The following NECTIN4 variants were observed in gnomAD, a reference collection of about 807,000 sequenced individuals.
The protein encoded by NECTIN4 is nectin cell adhesion molecule 4.
NECTIN4 carries 19 observed loss-of-function variants against 51.7 expected under a neutral mutation model. The ratio of observed to expected loss-of-function variants is 0.37; its 90% CI spans 0.26 to 0.54. The LOEUF is 0.54. Among genes scored for constraint, NECTIN4 ranks in the 20% least tolerant of loss-of-function variants. NECTIN4 has a pLI of 0.86. For missense variants in NECTIN4, 619 were observed against 662.4 expected (o/e 0.93, Z 0.72); for synonymous variants, 283 against 286.9 (o/e 0.99, Z 0.14).
At chr1:161,075,455 T>G (rs995847535) in intron 4 of NECTIN4, among the ~76,000 whole-genome samples, 1 of 152,218 alleles carries the variant, frequency 6.6e-6, no homozygotes, top group African/African-American at 2.4e-5. Context: ...TATCGAAATA[T>G]TGTGTTATAT....
rs540901655 is a variant in NECTIN4, at chr1:161,074,227, T to A, written c.1147A>T (p.Thr383Ser). ...GTGCCCAGTACTCACTATTTCTGGG[T>A]CATCTGCTGGGCCTTGCGCCGATGG... ...RYHRRKAQQMTQKYEEELTLT... is the reference protein window; with the variant it reads ...RYHRRKAQQMSQKYEEELTLT... The change falls in exon 6 of 9, where the codon ACC (threonine) becomes TCC (serine). Residue 383 changes from threonine to serine, a missense_variant. By Grantham distance (58) the Thr-to-Ser change is moderately conservative. Transcript: ENST00000368012. The A allele has an allele frequency of 1.9e-5, 30 of 1,614,068 alleles. No individual in the cohort carries two copies. In the African/African-American group the frequency reaches 2.0e-4, roughly 11 times the overall value.
chr1:161,077,990 G>T (rs1377503708), intron 2 of NECTIN4, among the ~76,000 whole-genome samples: 2 of 151,940 alleles, frequency 1.3e-5, no homozygotes, highest in African/African-American at 4.8e-5. Flanking sequence ...AAACTAACCA[G>T]ATATCATCTA....
At chr1:161,083,333 G>C (rs143046198) in intron 1 of NECTIN4, among the ~76,000 whole-genome samples, 27 of 152,328 alleles carry the variant, frequency 1.8e-4, no homozygotes, top group African/African-American at 6.3e-4. Context: ...CCCTGTCCTT[G>C]TCTAAACAGA....
intron 7 of NECTIN4, 72 bp downstream of exon 7, chr1:161,073,648 G>C: frequency 7.8e-7 from 1 of 1,289,834 alleles, no homozygotes; most frequent in Non-Finnish European, 1.1e-6. Flanking sequence ...CTGGTCTGCA[G>C]AGGGGCCCAG....
In NECTIN4 at chr1:161,074,301, G is replaced by A. The variant is rs767224578; in HGVS notation, c.1073C>T (p.Ala358Val). The change falls in exon 6 of 9, where the codon GCA becomes GTA. Residue 358 changes from alanine to valine, a missense_variant. Ala to Val is a moderately conservative substitution (Grantham distance 64). This residue lies in a region of NECTIN4 where 364 missense variants were observed against 415.7 expected (regional missense o/e 0.88). Transcript: ENST00000368012. ...ASVVVVGVIA[A>V]LLFCLLVVVV... is the part of the protein sequence containing the mutation. Reference sequence around the variant, plus strand: ...CACCACCAGAAGGCAGAACAAGAGTGCGGCGATCACACCCACCACCACCAC... The same window carrying A: ...CACCACCAGAAGGCAGAACAAGAGTACGGCGATCACACCCACCACCACCAC... The A allele has an allele frequency of 3.1e-6, 5 of 1,613,904 alleles. No individual in the cohort carries two copies. Among genetic ancestry groups the A allele is most frequent in the Non-Finnish European group, 2.5e-6 (3 of 1,179,952 alleles).
Position 161,073,289 on chromosome 1 carries a change from C to T in NECTIN4, c.1244G>A (p.Ser415Asn), listed in dbSNP as rs1653263273. The T allele has an allele frequency of 6.2e-7, 1 of 1,614,100 alleles. No individual in the cohort carries two copies. Among genetic ancestry groups the T allele is most frequent in the Non-Finnish European group, 8.5e-7 (1 of 1,179,938 alleles). Residue 415 changes from serine to asparagine, a missense_variant, in exon 8 of 9, where the codon AGT becomes AAT. Ser to Asn is a conservative substitution (Grantham distance 46). Coordinates refer to ENST00000368012, the MANE Select transcript of NECTIN4 (RefSeq NM_030916.3). ...GTGGCCCTCGGCTCTCAGCCCTACA[C>T]TCTCCTCCGGCTGCAGGGCCCAGAC... ...HTDPRSQPEE[S>N]VGLRAEGHPD...
intron 1 of NECTIN4, among the ~76,000 whole-genome samples, chr1:161,086,004 C>T (rs1008728046): frequency 2.0e-5 from 3 of 152,060 alleles, no homozygotes; most frequent in Admixed American, 1.3e-4. Context: ...TTTAGATTCT[C>T]TTCCCAAATT....
At chr1:161,076,222 A>C in intron 4 of NECTIN4, 133 bp downstream of exon 4, 4 of 954,842 alleles carry the variant, frequency 4.2e-6, no homozygotes, top group African/African-American at 1.6e-5. Flanking sequence ...TAATAATACA[A>C]GAGATCTGAA....
At chr1:161,078,880 T>C (rs555915300) in intron 2 of NECTIN4, among the ~76,000 whole-genome samples, 26 of 151,926 alleles carry the variant, frequency 1.7e-4, no homozygotes, top group African/African-American at 3.9e-4. Context: ...GGCGTGGTGG[T>C]GGGCGCCTGT....
At chr1:161,077,970 A>G (rs1409325452) in intron 2 of NECTIN4, among the ~76,000 whole-genome samples, 5 of 152,204 alleles carry the variant, frequency 3.3e-5, no homozygotes, top group African/African-American at 1.2e-4. Flanking sequence ...AAAATAATGA[A>G]GTAATTAAAA....
intron 1 of NECTIN4, among the ~76,000 whole-genome samples, chr1:161,082,421 G>A (rs1321838423): frequency 6.6e-6 from 1 of 152,112 alleles, no homozygotes; most frequent in African/African-American, 2.4e-5. Context: ...GATAGGCTGG[G>A]CTAGCTAATT....
At position 161,072,484 on chromosome 1, in the gene NECTIN4, C is replaced by T. The variant is rs2101654954; in HGVS notation, c.*177G>A. On this transcript the variant is annotated 3_prime_UTR_variant, in exon 9 of 9. Coordinates refer to ENST00000368012, the MANE Select transcript of NECTIN4 (RefSeq NM_030916.3). Reference sequence around the variant, plus strand: ...TGACCTGCATGCATGGTGGGAGAGACTCAATTGGTGGAGCCCTCCCGATGA... The same window carrying T: ...TGACCTGCATGCATGGTGGGAGAGATTCAATTGGTGGAGCCCTCCCGATGA... 1.5e-6 allele frequency: 1 copy of T among 661,880 alleles called. No individual in the cohort carries two copies. The highest frequency in any genetic ancestry group is 1.7e-5 in the South Asian group (1 of 59,668). 41.0% of individuals were successfully genotyped at this position (661,880 alleles called of 1,614,324 possible).
At chr1:161,077,139 A>G (rs1653446072) in intron 3 of NECTIN4, among the ~76,000 whole-genome samples, 1 of 152,234 alleles carries the variant, frequency 6.6e-6, no homozygotes, top group Non-Finnish European at 1.5e-5. Flanking sequence ...GGCTTGTCTA[A>G]GTTTATCTAT....
chr1:161,087,786 A>C (rs1348751482), intron 1 of NECTIN4, among the ~76,000 whole-genome samples: 2 of 151,270 alleles, frequency 1.3e-5, no homozygotes, highest in Non-Finnish European at 2.9e-5. Flanking sequence ...GTGTGTGTCT[A>C]CTCCTAACGT....
chr1:161,075,847 G>A (rs928302093), intron 4 of NECTIN4, among the ~76,000 whole-genome samples: 7 of 152,128 alleles, frequency 4.6e-5, no homozygotes, highest in Non-Finnish European at 7.3e-5. Context: ...GAAGGCCAAC[G>A]TGGGCAGATC....
At chr1:161,077,379 T>A in intron 3 of NECTIN4, 74 bp downstream of exon 3, 1 of 1,554,390 alleles carries the variant, frequency 6.4e-7, no homozygotes, top group South Asian at 1.1e-5. Context: ...CTGGCATGGC[T>A]CAGGGACCTG....
At position 161,076,345 on chromosome 1, in the gene NECTIN4, G is replaced by C. The variant is rs201593617; in HGVS notation, c.851+10C>G. ...CTCAAGTTAGGCCTTCCTCAGGCTC[G>C]GGCCCTTACCGTGTCCAGTTGTATG... On this transcript the variant is annotated intron_variant, in intron 4 of 8. Coordinates refer to ENST00000368012, the MANE Select transcript of NECTIN4 (RefSeq NM_030916.3). 6 of 1,613,896 alleles carry C rather than the reference G, an allele frequency of 3.7e-6. No homozygotes were observed. Among genetic ancestry groups the C allele is most frequent in the Non-Finnish European group, 5.1e-6 (6 of 1,179,962 alleles).
At chr1:161,076,551 C>A (rs1268870006) in intron 3 of NECTIN4, 76 bp from the exon 4 acceptor site, 3 of 1,590,594 alleles carry the variant, frequency 1.9e-6, no homozygotes, top group African/African-American at 1.3e-5. Context: ...GCCCTGCCCC[C>A]ACCCCACCCT....
Position 161,074,734 on chromosome 1 carries a change from C to A in NECTIN4, c.877G>T (p.Val293Leu). Residue 293 changes from valine (V) to leucine (L), a missense_variant, in exon 5 of 9, where the codon GTA (valine) becomes TTA (leucine). Coordinates refer to ENST00000368012, the MANE Select transcript of NECTIN4 (RefSeq NM_030916.3). ...TRLDGPLPSG[V>L]RVDGDTLGFP... ...CCCAAAGTGTCCCCATCCACTCGTA[C>A]CCCACTGGGCAGAGGCCCATCCAGC... The A allele has an allele frequency of 6.2e-7, 1 of 1,613,948 alleles. No homozygotes were observed.
Sources: gnomAD v4.1 joint callset for allele counts (sites outside exome capture counted in the v4.1 genomes callset) on GRCh38, gnomAD v4.1.1 for gene constraint, gnomAD v4.1.1 regional missense constraint, MANE v1.5 for transcripts, NCBI Gene and HGNC (gene_info 2026-07-23, HGNC 2026-07-21) for gene names.